Variants in PCCA observed in about 807,000 individuals in gnomAD.
The protein encoded by PCCA is propionyl-CoA carboxylase alpha chain, mitochondrial.
In PCCA, 74 loss-of-function variants were observed where a neutral mutation model predicts 101.3. That is an observed-to-expected ratio of 0.73 (90% CI 0.61 to 0.89). PCCA has a LOEUF of 0.89. Among genes scored for constraint, PCCA ranks in the 40% least tolerant of loss-of-function variants. PCCA has a pLI of 0.00. For missense variants in PCCA, 891 were observed against 907.0 expected, an observed-to-expected ratio of 0.98 and a Z score of 0.23; for synonymous variants, 294 against 313.6, an observed-to-expected ratio of 0.94 and a Z score of 0.66.
At chr13:100,492,484 T>A (rs1002921787) in intron 21 of PCCA, among the ~76,000 whole-genome samples, 2 of 151,708 alleles carry the variant, frequency 1.3e-5, no homozygotes, top group Admixed American at 1.3e-4. Context: ...CAGAAGGGTG[T>A]TTGCAGCCTC....
intron 21 of PCCA, among the ~76,000 whole-genome samples, chr13:100,486,940 C>G (rs963133191): frequency 6.6e-6 from 1 of 152,128 alleles, no homozygotes. Flanking sequence ...AAAGCCCCCA[C>G]AAACATGAAA....
intron 21 of PCCA, among the ~76,000 whole-genome samples, chr13:100,511,213 C>T (rs1287765131): frequency 5.3e-5 from 8 of 152,174 alleles, no homozygotes; most frequent in Non-Finnish European, 1.2e-4. Context: ...TTTTCAGCCA[C>T]GCCAGTGTTT....
intron 18 of PCCA, among the ~76,000 whole-genome samples, chr13:100,359,600 C>G (rs542634863): frequency 6.6e-6 from 1 of 152,056 alleles, no homozygotes; most frequent in Non-Finnish European, 1.5e-5. Flanking sequence ...AAGCAGACAC[C>G]GTCACTAGTT....
At chr13:100,136,575 A>G (rs948097672) in intron 4 of PCCA, among the ~76,000 whole-genome samples, 3 of 152,082 alleles carry the variant, frequency 2.0e-5, no homozygotes, top group Admixed American at 1.3e-4. Context: ...AAGTTCTTTA[A>G]TAGTTATTGG....
At chr13:100,183,928 T>C (rs2152434601) in intron 6 of PCCA, among the ~76,000 whole-genome samples, 1 of 152,312 alleles carries the variant, frequency 6.6e-6, no homozygotes, top group Middle Eastern at 3.4e-3. Context: ...AGAAACTTGG[T>C]ATCATCTTTG....
intron 7 of PCCA, among the ~76,000 whole-genome samples, chr13:100,217,211 C>T (rs2152491539): frequency 6.6e-6 from 1 of 152,120 alleles, no homozygotes; most frequent in South Asian, 2.1e-4. Flanking sequence ...CTTTGGGAGG[C>T]CGAGGTGGGT....
intron 6 of PCCA, among the ~76,000 whole-genome samples, chr13:100,158,978 T>A (rs1311940541): frequency 7.1e-6 from 1 of 140,178 alleles, no homozygotes; most frequent in Non-Finnish European, 1.5e-5. Flanking sequence ...GTGGTGCCAG[T>A]ATTATACATT....
chr13:100,155,683 T>A (rs774536715), intron 5 of PCCA, among the ~76,000 whole-genome samples: 14 of 152,150 alleles, frequency 9.2e-5, no homozygotes, highest in Non-Finnish European at 1.9e-4. Context: ...TCTATTTTCT[T>A]TTTTCTTTTT....
intron 14 of PCCA, among the ~76,000 whole-genome samples, chr13:100,305,244 AAAGTT>A (rs1208865917): frequency 6.6e-6 from 1 of 152,202 alleles, no homozygotes; most frequent in Non-Finnish European, 1.5e-5. Context: ...TATGTATTTT[AAAGTT>A]AAGATGACAT....
intron 12 of PCCA, among the ~76,000 whole-genome samples, chr13:100,293,842 G>A: frequency 6.6e-6 from 1 of 152,168 alleles, no homozygotes; most frequent in East Asian, 1.9e-4. Context: ...TTGGTATACA[G>A]ATATGTATAG....
rs907799145 is a variant in PCCA at position 100,301,492 on chromosome 13, C to T, written c.1098C>T (p.Gly366=). Residue 366 remains glycine, a synonymous_variant, in exon 13 of 24, where the codon GGC becomes GGT. Transcript: ENST00000376285. ...VEHPVTECIT[G]LDLVQEMIRV... The stretch of plus-strand genomic sequence containing the variant: ...ATCCTGTCACAGAATGCATTACTGG[C>T]CTGGACCTAGTCCAGGAAATGATCC... The T allele has an allele frequency of 1.2e-6, 2 of 1,614,068 alleles. No individual in the cohort carries two copies. Among genetic ancestry groups the T allele is most frequent in the African/African-American group, 1.3e-5 (1 of 75,036 alleles).
chr13:100,367,666 AT>A (rs1195657475), intron 18 of PCCA, among the ~76,000 whole-genome samples: 3 of 149,836 alleles, frequency 2.0e-5, no homozygotes, highest in African/African-American at 7.3e-5. Context: ...TTTGCAAAAA[AT>A]AATTATATCG....
chr13:100,302,772 G>A (rs763283338), intron 13 of PCCA, 152 bp from the exon 14 acceptor site: 33 of 674,976 alleles, frequency 4.9e-5, no homozygotes, highest in Admixed American at 1.9e-4. Flanking sequence ...GTTGTCTAGC[G>A]TAAAAGACAA....
intron 8 of PCCA, among the ~76,000 whole-genome samples, chr13:100,254,777 T>C (rs1372100104): frequency 2.0e-5 from 3 of 152,066 alleles, no homozygotes; most frequent in African/African-American, 7.2e-5. Flanking sequence ...TATAGCTCAA[T>C]GGTTAAATTA....
intron 19 of PCCA, among the ~76,000 whole-genome samples, chr13:100,389,609 C>T (rs1256523963): frequency 2.6e-5 from 4 of 151,946 alleles, no homozygotes; most frequent in Non-Finnish European, 5.9e-5. Flanking sequence ...CACATGTATC[C>T]CTGAATGTAA....
intron 16 of PCCA, among the ~76,000 whole-genome samples, chr13:100,328,733 G>A (rs998907018): frequency 5.4e-5 from 7 of 130,128 alleles, no homozygotes; most frequent in Admixed American, 2.8e-4. Context: ...TAGCTCCGTC[G>A]CTGAGGTGGG....
At chr13:100,348,511 TAAAC>T (rs757949886) in intron 18 of PCCA, among the ~76,000 whole-genome samples, 24 of 152,308 alleles carry the variant, frequency 1.6e-4, no homozygotes, top group Non-Finnish European at 2.6e-4. Context: ...CTAGTTATAT[TAAAC>T]AACCACTTTT....
chr13:100,225,062 T>C (rs2060072063), intron 7 of PCCA, among the ~76,000 whole-genome samples: 1 of 152,200 alleles, frequency 6.6e-6, no homozygotes, highest in Non-Finnish European at 1.5e-5. Flanking sequence ...AGAAAACTCA[T>C]TTTGGTTTGT....
At chr13:100,215,824 GA>G (rs1201601984) in intron 7 of PCCA, among the ~76,000 whole-genome samples, 2 of 151,918 alleles carry the variant, frequency 1.3e-5, no homozygotes, top group Non-Finnish European at 2.9e-5. Context: ...ATTTTTAGTA[GA>G]GATGAAGTTT....
Sources: allele counts gnomAD v4.1 joint callset (sites outside exome capture counted in the v4.1 genomes callset), GRCh38; gene constraint gnomAD v4.1.1; transcripts MANE v1.5; gene names NCBI Gene and HGNC (gene_info 2026-07-23, HGNC 2026-07-21).